FOXP2: variants seen among roughly 807,000 people sequenced by gnomAD.
The protein encoded by FOXP2 is forkhead box P2, also known as forkhead box protein P2.
A neutral mutation model predicts 115.8 loss-of-function variants in FOXP2; 12 were observed. The ratio of observed to expected loss-of-function variants is 0.10; its 90% CI spans 0.07 to 0.17. The LOEUF is 0.17. Ranked by LOEUF, FOXP2 falls within the 10% of genes least tolerant of loss-of-function variation. The pLI is 1.00. For synonymous variants in FOXP2, 328 were observed against 297.7 expected, an observed-to-expected ratio of 1.10 and a Z score of -1.05; for missense variants, 629 against 843.5, an observed-to-expected ratio of 0.75 and a Z score of 3.15.
intron 3 of FOXP2, among the ~76,000 whole-genome samples, chr7:114,546,959 G>A (rs907119570): frequency 2.0e-5 from 3 of 152,028 alleles, no homozygotes; most frequent in Admixed American, 6.6e-5. Context: ...CTCCTTCTCC[G>A]TCCTATAAGA....
At chr7:114,139,384 G>C (rs561782361) in intron 1 of FOXP2, among the ~76,000 whole-genome samples, 35 of 151,954 alleles carry the variant, frequency 2.3e-4, no homozygotes, top group Non-Finnish European at 4.1e-4. Flanking sequence ...CTTCTGCCCA[G>C]ATCTATAGGG....
intron 3 of FOXP2, among the ~76,000 whole-genome samples, chr7:114,588,532 A>G (rs941949091): frequency 2.6e-5 from 4 of 152,144 alleles, no homozygotes; most frequent in African/African-American, 9.7e-5. Context: ...CTGACAATAC[A>G]TATCTTCTTT....
chr7:114,628,671 G>A lies in FOXP2; in HGVS notation c.390G>A (p.Leu130=), dbSNP rs1182601376. The A allele has an allele frequency of 1.2e-6, 2 of 1,613,902 alleles. No homozygotes were observed. The highest frequency in any genetic ancestry group is 1.1e-5 in the South Asian group (1 of 91,084). ...ALLQQQQAVM[L]QQQQLQEFYK... is the part of the protein sequence containing the mutation. ...TCCAACAACAGCAGGCTGTCATGCT[G>A]CAGCAGGTAATGTGGGTTACCTGCT... is the stretch of plus-strand genomic sequence containing the variant. Residue 130 remains leucine (L), a synonymous_variant, in exon 4 of 17, where the codon CTG becomes CTA. Coordinates refer to ENST00000350908, the MANE Select transcript of FOXP2 (RefSeq NM_014491.4).
intron 2 of FOXP2, among the ~76,000 whole-genome samples, chr7:114,529,042 G>T (rs777788123): frequency 3.3e-5 from 5 of 151,720 alleles, no homozygotes; most frequent in African/African-American, 4.8e-5. Flanking sequence ...ATTATTGTAG[G>T]TAATATTAGG....
At chr7:114,096,142 T>TAAAGA (rs1562962685) in intron 1 of FOXP2, among the ~76,000 whole-genome samples, 20 of 152,348 alleles carry the variant, frequency 1.3e-4, no homozygotes, top group African/African-American at 4.8e-4. Context: ...CGACTTTCTT[T>TAAAGA]GTCACCATCA....
At chr7:114,170,293 G>A (rs912650599) in intron 1 of FOXP2, among the ~76,000 whole-genome samples, 6 of 152,122 alleles carry the variant, frequency 3.9e-5, no homozygotes, top group Non-Finnish European at 8.8e-5. Flanking sequence ...CCACCAACTG[G>A]TCCTTCCCCT....
At chr7:114,634,089 G>C (rs1322332135) in intron 6 of FOXP2, among the ~76,000 whole-genome samples, 1 of 151,682 alleles carries the variant, frequency 6.6e-6, no homozygotes, top group Non-Finnish European at 1.5e-5. Context: ...CCGCCTTCCC[G>C]GGTTCAAGCA....
In FOXP2 at chr7:114,693,578, A is replaced by G. The variant is rs1344903953; in HGVS notation, c.*3652A>G. 1 of 453,102 alleles carries G rather than the reference A, an allele frequency of 2.2e-6. No homozygotes were observed. Among genetic ancestry groups the G allele is most frequent in the East Asian group, 7.0e-5 (1 of 14,372 alleles). 28.1% of individuals were successfully genotyped at this position (453,102 alleles called of 1,614,324 possible). On this transcript the variant is annotated 3_prime_UTR_variant, in exon 17 of 17. Transcript: ENST00000350908. ...TTTCACTAGTTCAGGTTGCAACGAA[A>G]GGTTTTTTTGTCCATGAACACTTGG...
intron 10 of FOXP2, among the ~76,000 whole-genome samples, chr7:114,656,134 A>C (rs1806573783): frequency 6.6e-6 from 1 of 152,162 alleles, no homozygotes; most frequent in Non-Finnish European, 1.5e-5. Context: ...TGCATTGAAA[A>C]AGATGTATTT....
intron 1 of FOXP2, among the ~76,000 whole-genome samples, chr7:114,264,607 A>T (rs888070091): frequency 3.3e-5 from 5 of 152,164 alleles, no homozygotes; most frequent in Admixed American, 2.6e-4. Context: ...TAAAAATGAT[A>T]TTTGTAGTAT....
chr7:114,431,831 A>T (rs1012904667), intron 2 of FOXP2, among the ~76,000 whole-genome samples: 2 of 151,968 alleles, frequency 1.3e-5, no homozygotes, highest in Admixed American at 1.3e-4. Context: ...AATGGTGGAA[A>T]ACTTTGAGCA....
At chr7:114,443,646 T>C (rs1794704855) in intron 2 of FOXP2, among the ~76,000 whole-genome samples, 1 of 152,130 alleles carries the variant, frequency 6.6e-6, no homozygotes, top group African/African-American at 2.4e-5. Flanking sequence ...AGTGTTTAGC[T>C]CCCACTTATA....
intron 8 of FOXP2, among the ~76,000 whole-genome samples, chr7:114,650,625 C>T (rs893791019): frequency 6.6e-6 from 1 of 152,026 alleles, no homozygotes; most frequent in Admixed American, 6.6e-5. Flanking sequence ...CTGGCTTACT[C>T]TCACATTCCA....
intron 3 of FOXP2, among the ~76,000 whole-genome samples, chr7:114,557,312 A>G (rs1800513127): frequency 6.6e-6 from 1 of 152,182 alleles, no homozygotes; most frequent in Non-Finnish European, 1.5e-5. Flanking sequence ...CATTTGTTTT[A>G]GAAATAATTG....
intron 2 of FOXP2, among the ~76,000 whole-genome samples, chr7:114,466,930 T>C (rs1048268865): frequency 3.3e-5 from 5 of 152,218 alleles, no homozygotes; most frequent in African/African-American, 1.2e-4. Flanking sequence ...ACCTGTGTGC[T>C]AAGCTCTGCA....
At chr7:114,346,831 G>C (rs1303899351) in intron 2 of FOXP2, among the ~76,000 whole-genome samples, 4 of 151,682 alleles carry the variant, frequency 2.6e-5, no homozygotes, top group African/African-American at 9.7e-5. Flanking sequence ...TGGTCAAAAG[G>C]GACAAAGCTA....
At chr7:114,381,908 G>T (rs1471146331) in intron 2 of FOXP2, among the ~76,000 whole-genome samples, 5 of 152,012 alleles carry the variant, frequency 3.3e-5, no homozygotes, top group Non-Finnish European at 7.4e-5. Flanking sequence ...AACAGGACGG[G>T]CATTCTTTGC....
intron 7 of FOXP2, among the ~76,000 whole-genome samples, chr7:114,644,233 G>A (rs962841000): frequency 9.2e-5 from 14 of 152,048 alleles, no homozygotes; most frequent in African/African-American, 3.4e-4. Flanking sequence ...AATATATGTG[G>A]TTTATACATA....
chr7:114,254,753 T>C (rs1017944514), intron 1 of FOXP2, among the ~76,000 whole-genome samples: 5 of 152,242 alleles, frequency 3.3e-5, no homozygotes, highest in African/African-American at 1.2e-4. Context: ...CTCCTTTAGC[T>C]CAGAGAAGTT....
Sources: allele counts gnomAD v4.1 joint callset (sites outside exome capture counted in the v4.1 genomes callset), GRCh38; gene constraint gnomAD v4.1.1; transcripts MANE v1.5; gene names NCBI Gene and HGNC (gene_info 2026-07-23, HGNC 2026-07-21).